HIPK3: variants seen among roughly 807,000 people sequenced by gnomAD.
HIPK3 encodes the protein homeodomain interacting protein kinase 3.
A neutral mutation model predicts 124.2 loss-of-function variants in HIPK3; 47 were observed. The ratio of observed to expected loss-of-function variants is 0.38; its 90% CI spans 0.30 to 0.48. The LOEUF is 0.48. Ranked by LOEUF, HIPK3 falls within the 20% of genes least tolerant of loss-of-function variation. The pLI is 0.98. For missense variants in HIPK3, 1,286 were observed against 1,454.3 expected (o/e 0.88, Z 1.88); for synonymous variants, 482 against 515.2 (o/e 0.94, Z 0.87).
At chr11:33,349,490 C>T (rs140334519) in intron 14 of HIPK3, among the ~76,000 whole-genome samples, 206 of 152,194 alleles carry the variant, frequency 1.4e-3, no homozygotes, top group Middle Eastern at 6.8e-3. Flanking sequence ...GCTTTGTTGC[C>T]CAGGCTGGAA....
intron 2 of HIPK3, among the ~76,000 whole-genome samples, chr11:33,314,486 C>T (rs890356009): frequency 8.5e-5 from 13 of 152,098 alleles, no homozygotes; most frequent in Admixed American, 7.9e-4. Context: ...AAACCCGTCT[C>T]TACTAAAAAT....
At position 33,286,778 on chromosome 11, in the gene HIPK3, C is replaced by T; in HGVS notation, c.364C>T (p.Pro122Ser). The change falls in exon 2 of 17, where the codon CCC becomes TCC. Residue 122 changes from proline (P) to serine (S), a missense_variant. Physicochemically the swap from Pro to Ser is moderately conservative, Grantham distance 74 (BLOSUM62 -1). Around this residue, in one of 3 missense-constraint regions of HIPK3, gnomAD observed 225 missense variants for 240.3 expected, o/e 0.94. Transcript: ENST00000303296. Reference protein sequence around the residue: ...WRNRLHFLEGPQRCGLKRKSE... With the variant: ...WRNRLHFLEGSQRCGLKRKSE... The stretch of plus-strand genomic sequence containing the variant: ...AAACAGATTGCATTTCCTAGAAGGC[C>T]CCCAGCGATGTGGATTGAAGCGCAA... 6.2e-7 allele frequency: 1 copy of T among 1,614,034 alleles called. No homozygotes were observed. The highest frequency in any genetic ancestry group is 8.5e-7 in the Non-Finnish European group (1 of 1,180,018).
intron 4 of HIPK3, 131 bp from the exon 5 acceptor site, chr11:33,338,626 A>T: frequency 2.0e-6 from 1 of 509,048 alleles, no homozygotes; most frequent in South Asian, 3.7e-5. Flanking sequence ...ACTTTAAAAA[A>T]TACATTTTTG....
intron 1 of HIPK3, among the ~76,000 whole-genome samples, chr11:33,268,068 G>A (rs577105663): frequency 6.6e-6 from 1 of 151,974 alleles, no homozygotes; most frequent in Non-Finnish European, 1.5e-5. Context: ...AAAATCAGAC[G>A]GGTGTGGTGG....
At chr11:33,279,806 T>C (rs1194616035) in intron 1 of HIPK3, among the ~76,000 whole-genome samples, 1 of 152,168 alleles carries the variant, frequency 6.6e-6, no homozygotes, top group East Asian at 1.9e-4. Flanking sequence ...TGGTGTGTGG[T>C]GAGGGCTCAC....
At position 33,347,894 on chromosome 11, in the gene HIPK3, G is replaced by A. The variant is rs773307835; in HGVS notation, c.2187G>A (p.Pro729=). Reference sequence around the variant, plus strand: ...GCAATCATTATAACTCAGTGATGCCGCAGCCTCTTCTGACCAATCAGATAA... The same window carrying A: ...GCAATCATTATAACTCAGTGATGCCACAGCCTCTTCTGACCAATCAGATAA... ...SCSNHYNSVM[P]QPLLTNQITL... is the part of the protein sequence containing the mutation. Residue 729 remains proline (P), a synonymous_variant, in exon 11 of 17, where the codon CCG becomes CCA. Transcript: ENST00000303296. 5.0e-6 allele frequency: 8 copies of A among 1,614,104 alleles called. No individual in the cohort carries two copies. Among genetic ancestry groups the A allele is most frequent in the East Asian group, 2.2e-5 (1 of 44,884 alleles).
At chr11:33,291,754 T>C (rs987180023) in intron 2 of HIPK3, among the ~76,000 whole-genome samples, 7 of 152,290 alleles carry the variant, frequency 4.6e-5, no homozygotes, top group African/African-American at 1.7e-4. Context: ...TTTTTAAATA[T>C]AGAATTTTAG....
upstream of HIPK3, chr11:33,256,772 A>G: frequency 1.1e-6 from 1 of 934,050 alleles, no homozygotes; most frequent in Non-Finnish European, 1.3e-6. Flanking sequence ...CTTCACAATT[A>G]TGGGGTTTTG....
At chr11:33,319,569 A>T (rs1852604408) in intron 2 of HIPK3, among the ~76,000 whole-genome samples, 1 of 151,610 alleles carries the variant, frequency 6.6e-6, no homozygotes, top group Admixed American at 6.6e-5. Flanking sequence ...TAAATTTTGT[A>T]GTGATAAAAC....
intron 3 of HIPK3, among the ~76,000 whole-genome samples, chr11:33,333,566 G>T (rs1184244954): frequency 6.6e-6 from 1 of 152,138 alleles, no homozygotes; most frequent in Non-Finnish European, 1.5e-5. Context: ...GGAGATGGAG[G>T]AAGGCAAATA....
At chr11:33,265,968 C>A (rs1005820840) in intron 1 of HIPK3, among the ~76,000 whole-genome samples, 1 of 147,896 alleles carries the variant, frequency 6.8e-6, no homozygotes, top group Non-Finnish European at 1.5e-5. Flanking sequence ...CCTGTAGTCC[C>A]AGCTACTCGG....
Position 33,259,274 on chromosome 11 carries a change from A to T in HIPK3, c.-3+1385A>T, listed in dbSNP as rs545810689. ...TGAGCCGTAACGGTGGTTACTGCTT[A>T]CCCAACTAAGACATTTTAATCCTAT... is the stretch of plus-strand genomic sequence containing the variant. On this transcript the variant is annotated intron_variant, in intron 1 of 16. Coordinates refer to ENST00000303296, the MANE Select transcript of HIPK3 (RefSeq NM_005734.5). 6.6e-5 allele frequency among the ~76,000 whole-genome samples: 10 copies of T among 152,284 alleles called. No homozygotes were observed. In the South Asian group the frequency reaches 2.1e-3, roughly 32 times the overall value.
At chr11:33,336,436 T>G (rs1420217841) in intron 3 of HIPK3, among the ~76,000 whole-genome samples, 1 of 152,206 alleles carries the variant, frequency 6.6e-6, no homozygotes, top group East Asian at 1.9e-4. Context: ...AAATCTCTTT[T>G]GAATCCATTC....
chr11:33,295,896 G>A (rs1042062662), intron 2 of HIPK3, among the ~76,000 whole-genome samples: 3 of 152,128 alleles, frequency 2.0e-5, no homozygotes, highest in African/African-American at 7.2e-5. Context: ...TAATTAATAA[G>A]TACAATATCT....
At position 33,355,194 on chromosome 11, in the gene HIPK3, T is replaced by G. The variant is rs192913092; in HGVS notation, c.*1626T>G. The G allele has an allele frequency of 2.6e-4, 39 of 152,202 alleles. No homozygotes were observed. The highest frequency in any genetic ancestry group is 8.7e-4 in the African/African-American group (36 of 41,562). 9.4% of individuals were successfully genotyped at this position (152,202 alleles called of 1,614,324 possible). A position where few individuals can be genotyped will look rare whatever the true frequency, so the allele number is the denominator to read the frequency against. ...ATAAGTCTAATTACATGAATAGAAA[T>G]TGGGGTTTTGATTTTTTACTTTGCT... On this transcript the variant is annotated 3_prime_UTR_variant, in exon 17 of 17. Transcript: ENST00000303296.
intron 2 of HIPK3, among the ~76,000 whole-genome samples, chr11:33,326,093 C>T (rs574824952): frequency 5.3e-5 from 8 of 152,144 alleles, no homozygotes; most frequent in Middle Eastern, 3.4e-3. Context: ...TGGACAGATC[C>T]CAAGTCTGTA....
chr11:33,318,347 G>A (rs553540973), intron 2 of HIPK3, among the ~76,000 whole-genome samples: 53 of 152,174 alleles, frequency 3.5e-4, no homozygotes, highest in African/African-American at 1.3e-3. Flanking sequence ...GATTATAGGC[G>A]TGAGTGAGCC....
At chr11:33,323,114 G>A (rs570660522) in intron 2 of HIPK3, among the ~76,000 whole-genome samples, 2 of 152,238 alleles carry the variant, frequency 1.3e-5, no homozygotes, top group East Asian at 3.9e-4. Context: ...TTGTATACAA[G>A]GGAATATTAT....
chr11:33,338,268 T>A (rs897588811), intron 4 of HIPK3, among the ~76,000 whole-genome samples: 3 of 152,104 alleles, frequency 2.0e-5, no homozygotes, highest in Non-Finnish European at 4.4e-5. Flanking sequence ...AGAGTCTTAC[T>A]CTGTTGCAAG....
Sources: allele counts gnomAD v4.1 joint callset (sites outside exome capture counted in the v4.1 genomes callset), GRCh38; gene constraint gnomAD v4.1.1; regional missense constraint gnomAD v4.1.1; transcripts MANE v1.5; gene names NCBI Gene and HGNC (gene_info 2026-07-23, HGNC 2026-07-21).